SIPA1L3: variants seen among roughly 807,000 people sequenced by gnomAD.
The protein encoded by SIPA1L3 is signal induced proliferation associated 1 like 3.
SIPA1L3 carries 59 observed loss-of-function variants against 150.1 expected under a neutral mutation model. The observed-to-expected ratio is 0.39, with a 90% confidence interval of 0.32 to 0.49. The LOEUF is 0.49. Ranked by LOEUF, SIPA1L3 falls within the 20% of genes least tolerant of loss-of-function variation. The pLI is 0.86. For missense variants in SIPA1L3, 2,211 were observed against 2,489.5 expected (o/e 0.89, Z 2.38); for synonymous variants, 1,070 against 1,077.6 (o/e 0.99, Z 0.14).
chr19:37,934,085 G>A (rs1028367344), intron 1 of SIPA1L3, among the ~76,000 whole-genome samples: 7 of 152,098 alleles, frequency 4.6e-5, no homozygotes, highest in African/African-American at 7.2e-5. Context: ...TGGTGAGCGC[G>A]AAGAATCTGA....
intron 1 of SIPA1L3, among the ~76,000 whole-genome samples, chr19:37,974,184 T>C (rs1967018822): frequency 6.6e-6 from 1 of 152,184 alleles, no homozygotes; most frequent in African/African-American, 2.4e-5. Context: ...TACCCCACTT[T>C]CCTGATGTGT....
intron 1 of SIPA1L3, among the ~76,000 whole-genome samples, chr19:37,945,572 C>T (rs1390645586): frequency 4.0e-5 from 6 of 151,864 alleles, no homozygotes; most frequent in African/African-American, 7.3e-5. Context: ...ATGTGAGTAC[C>T]GCAGTTTGTT....
intron 2 of SIPA1L3, among the ~76,000 whole-genome samples, chr19:38,063,288 C>T (rs532937700): frequency 1.7e-4 from 26 of 152,104 alleles, no homozygotes; most frequent in Admixed American, 1.6e-3. Context: ...CAGCTCCCAT[C>T]CCTGCCAGCC....
In SIPA1L3 at chr19:38,119,913, G is replaced by A. The variant is rs751422957; in HGVS notation, c.2868+31G>A. 1.9e-5 allele frequency: 29 copies of A among 1,517,932 alleles called. No homozygotes were observed. The East Asian group carries it at 4.5e-4, about 24-fold the overall frequency. The allele number at this position is 1,517,932 out of a possible 1,614,324, so 94.0% of individuals were successfully genotyped here. A position where few individuals can be genotyped will look rare whatever the true frequency, so the allele number is the denominator to read the frequency against. ...GGAGAGAGCCCGGCGATAGGGCGGC[G>A]ATTTGTATGGTTTCGGCCTCAGGAA... On this transcript the variant is annotated intron_variant, in intron 9 of 21. Coordinates refer to ENST00000222345, the MANE Select transcript of SIPA1L3 (RefSeq NM_015073.3).
At chr19:37,935,490 T>C (rs1353090957) in intron 1 of SIPA1L3, among the ~76,000 whole-genome samples, 1 of 152,210 alleles carries the variant, frequency 6.6e-6, no homozygotes, top group Non-Finnish European at 1.5e-5. Flanking sequence ...ACCCCTAAAC[T>C]TAAGGCCTTA....
At chr19:38,001,807 T>C (rs1277238887) in intron 1 of SIPA1L3, among the ~76,000 whole-genome samples, 3 of 152,344 alleles carry the variant, frequency 2.0e-5, no homozygotes, top group Middle Eastern at 3.4e-3. Flanking sequence ...TTAAAACTTT[T>C]ATTGTGGCAC....
rs182977958 is a variant in SIPA1L3, at chr19:38,063,056, C to T, written c.-310-18200C>T. Among the ~76,000 whole-genome samples, 6 of 152,302 alleles carry T rather than the reference C, an allele frequency of 3.9e-5. No homozygotes were observed. The South Asian group carries it at 6.2e-4, about 16-fold the overall frequency. On this transcript the variant is annotated intron_variant, in intron 2 of 21. Transcript: ENST00000222345. ...GAACCCCATTGTGAAGCACGGGTGA[C>T]AGTAGCAGGTGATTAGAAGCTTCAG...
intron 1 of SIPA1L3, among the ~76,000 whole-genome samples, chr19:38,000,795 A>G (rs911380678): frequency 6.7e-6 from 1 of 148,764 alleles, no homozygotes; most frequent in South Asian, 2.1e-4. Flanking sequence ...AAATGAACCA[A>G]TGTCTTAACA....
intron 2 of SIPA1L3, among the ~76,000 whole-genome samples, chr19:38,042,097 T>G (rs539808677): frequency 6.6e-6 from 1 of 152,338 alleles, no homozygotes; most frequent in African/African-American, 2.4e-5. Flanking sequence ...CCTGAGCTTT[T>G]GGTGTGATGT....
intron 16 of SIPA1L3, among the ~76,000 whole-genome samples, chr19:38,186,670 T>G (rs903903154): frequency 6.6e-6 from 1 of 151,274 alleles, no homozygotes; most frequent in Non-Finnish European, 1.5e-5. Flanking sequence ...TCATATGTAT[T>G]TAGTTGCAGA....
chr19:38,063,320 C>A (rs1294882970), intron 2 of SIPA1L3, among the ~76,000 whole-genome samples: 1 of 152,080 alleles, frequency 6.6e-6, no homozygotes, highest in African/African-American at 2.4e-5. Flanking sequence ...GGGAGCCTTC[C>A]TGGCTGTGGT....
rs112839892 is a variant in SIPA1L3, at chr19:38,020,131, C to A, written c.-378-8958C>A. On this transcript the variant is annotated intron_variant, in intron 1 of 21. Coordinates refer to ENST00000222345, the MANE Select transcript of SIPA1L3 (RefSeq NM_015073.3). ...ATAAATAAATAGAATAATGGTAGCT[C>A]ACACTTAATGCATACTTAGTGCATA... 5.1e-3 allele frequency among the ~76,000 whole-genome samples: 780 copies of A among 152,220 alleles called. 5 individuals carry two copies. The highest frequency in any genetic ancestry group is 0.018 in the African/African-American group (742 of 41,508).
At chr19:38,143,809 G>T (rs1289685016) in intron 12 of SIPA1L3, among the ~76,000 whole-genome samples, 2 of 152,066 alleles carry the variant, frequency 1.3e-5, no homozygotes, top group Non-Finnish European at 2.9e-5. Context: ...AAAGTGCTGG[G>T]ATTACAAGTG....
intron 19 of SIPA1L3, among the ~76,000 whole-genome samples, chr19:38,198,862 G>A (rs1337561224): frequency 2.6e-5 from 4 of 152,342 alleles, no homozygotes; most frequent in South Asian, 4.1e-4. Flanking sequence ...GTCCAAGGCA[G>A]GAGGATCGCT....
chr19:38,035,780 G>A (rs2145729484), intron 2 of SIPA1L3, among the ~76,000 whole-genome samples: 2 of 152,254 alleles, frequency 1.3e-5, no homozygotes, highest in Middle Eastern at 3.4e-3. Context: ...ATGATAATGA[G>A]GAGGAGGAGG....
At position 38,014,879 on chromosome 19, in the gene SIPA1L3, C is replaced by G. The variant is rs146394130; in HGVS notation, c.-378-14210C>G. 2.6e-3 allele frequency among the ~76,000 whole-genome samples: 401 copies of G among 152,174 alleles called. 1 individual carries two copies. Among genetic ancestry groups the G allele is most frequent in the African/African-American group, 9.3e-3 (387 of 41,512 alleles). Reference sequence around the variant, plus strand: ...AGAGACGGGGTTTCACTGTGTTAGCCAGGATGGTCTCGATCTCCTGACCTC... The same window carrying G: ...AGAGACGGGGTTTCACTGTGTTAGCGAGGATGGTCTCGATCTCCTGACCTC... On this transcript the variant is annotated intron_variant, in intron 1 of 21. Transcript: ENST00000222345.
chr19:38,151,166 T>G (rs1389279386), intron 12 of SIPA1L3, among the ~76,000 whole-genome samples: 1 of 152,208 alleles, frequency 6.6e-6, no homozygotes, highest in Non-Finnish European at 1.5e-5. Context: ...AGAGAGGCCA[T>G]CTTTTCTTGT....
At chr19:38,176,073 G>T (rs889356987) in intron 15 of SIPA1L3, among the ~76,000 whole-genome samples, 13 of 152,166 alleles carry the variant, frequency 8.5e-5, no homozygotes, top group African/African-American at 3.1e-4. Context: ...CAGGCATAAT[G>T]GTGGGTACCT....
intron 15 of SIPA1L3, among the ~76,000 whole-genome samples, chr19:38,166,455 CA>C (rs545670843): frequency 0.026 from 2,713 of 103,856 alleles, 28 homozygotes; most frequent in Non-Finnish European, 0.036. Flanking sequence ...GACTCTGTCT[CA>C]AAAAAAAAAA....
Sources: gnomAD v4.1 joint callset for allele counts (sites outside exome capture counted in the v4.1 genomes callset) on GRCh38, gnomAD v4.1.1 for gene constraint, MANE v1.5 for transcripts, NCBI Gene and HGNC (gene_info 2026-07-23, HGNC 2026-07-21) for gene names.